SCOC: variants seen among roughly 807,000 people sequenced by gnomAD.
SCOC encodes short coiled coil protein.
A neutral mutation model predicts 9.9 loss-of-function variants in SCOC; 7 were observed. The observed-to-expected ratio is 0.71, with a 90% CI of 0.40 to 1.33. The LOEUF (loss-of-function observed/expected upper bound fraction) is 1.33, where lower values mean the gene tolerates loss of function less well. SCOC is among the 40% of genes most tolerant of loss of function. SCOC has a pLI of 0.01. For missense variants in SCOC, 66 were observed against 89.7 expected (o/e 0.74, Z 1.07); for synonymous variants, 19 against 28.2 (o/e 0.67, Z 1.03).
intron 2 of SCOC, among the ~76,000 whole-genome samples, chr4:140,352,632 A>G (rs1727030027): frequency 6.6e-6 from 1 of 152,180 alleles, no homozygotes; most frequent in African/African-American, 2.4e-5. Flanking sequence ...TAAAGCAAAA[A>G]CTAGTTTCAG....
At chr4:140,373,858 G>A in intron 1 of SCOC, 141 bp downstream of exon 1, 1 of 943,996 alleles carries the variant, frequency 1.1e-6, no homozygotes, top group East Asian at 2.6e-5. Flanking sequence ...TCTCGGGCCT[G>A]GGCATTTGGT....
At chr4:140,377,237 ACT>A (rs2126596249) in intron 1 of SCOC, among the ~76,000 whole-genome samples, 1 of 152,286 alleles carries the variant, frequency 6.6e-6, no homozygotes, top group African/African-American at 2.4e-5. Flanking sequence ...TTTCACTGAC[ACT>A]CTTCCTCTTC....
At chr4:140,324,745 A>G (rs1378995392) in intron 1 of SCOC, among the ~76,000 whole-genome samples, 1 of 152,142 alleles carries the variant, frequency 6.6e-6, no homozygotes, top group Non-Finnish European at 1.5e-5. Flanking sequence ...TATTATTAAG[A>G]GGCCAGTTCT....
In SCOC at chr4:140,366,657, G is replaced by T. The variant is rs1578868488; in HGVS notation, c.71-12464G>T. 1.9e-6 allele frequency: 3 copies of T among 1,601,376 alleles called. No individual in the cohort carries two copies. In the East Asian group the frequency reaches 6.7e-5, roughly 36 times the overall value. On this transcript the variant is annotated intron_variant, in intron 2 of 4. Transcript: ENST00000338517. ...AGGCTTGTCTGACATACTTCTGGTG[G>T]GCTCTGTGTGGAAACTTGAGGTTGA...
intron 1 of SCOC, among the ~76,000 whole-genome samples, chr4:140,300,157 G>A (rs1377074312): frequency 2.0e-5 from 3 of 152,186 alleles, no homozygotes; most frequent in Non-Finnish European, 4.4e-5. Context: ...CATCATCCCC[G>A]CTTTATTTGT....
At chr4:140,274,606 C>CA (rs1028043675) in intron 1 of SCOC, among the ~76,000 whole-genome samples, 6 of 152,140 alleles carry the variant, frequency 3.9e-5, no homozygotes, top group African/African-American at 1.4e-4. Context: ...TGTTCTGCCG[C>CA]AAAAAGGGAG....
chr4:140,315,781 G>T (rs1352067360), intron 1 of SCOC, among the ~76,000 whole-genome samples: 2 of 152,104 alleles, frequency 1.3e-5, no homozygotes, highest in Admixed American at 1.3e-4. Context: ...ACTTTTACCT[G>T]GTTCTTGCTT....
At chr4:140,307,944 G>A (rs1011984127) in intron 1 of SCOC, among the ~76,000 whole-genome samples, 7 of 152,168 alleles carry the variant, frequency 4.6e-5, no homozygotes, top group Admixed American at 3.9e-4. Flanking sequence ...CACTTAATGT[G>A]ATTGATCAAC....
intron 1 of SCOC, among the ~76,000 whole-genome samples, chr4:140,297,172 A>G (rs1393106800): frequency 6.6e-6 from 1 of 151,852 alleles, no homozygotes; most frequent in Non-Finnish European, 1.5e-5. Flanking sequence ...CCTGCCTTGC[A>G]GGTGTACTCT....
chr4:140,362,279 T>TCTTCCTCTTCCTCTTCCTCTTCCTCTTCC (rs1426744430), intron 2 of SCOC, among the ~76,000 whole-genome samples: 2 of 10,974 alleles, frequency 1.8e-4, no homozygotes, highest in Admixed American at 8.4e-4. Context: ...GTGTCCTTAC[T>TCTTCCTCTTCCTCTTCCTCTTCCTCTTCC]TCTTCTTCTT....
intron 1 of SCOC, among the ~76,000 whole-genome samples, chr4:140,323,681 TAAGA>T (rs1267945533): frequency 6.6e-6 from 1 of 152,168 alleles, no homozygotes; most frequent in Non-Finnish European, 1.5e-5. Context: ...ACAACTCACT[TAAGA>T]AAGATACCTA....
At chr4:140,302,697 T>A (rs1351506017) in intron 1 of SCOC, among the ~76,000 whole-genome samples, 1 of 152,152 alleles carries the variant, frequency 6.6e-6, no homozygotes, top group African/African-American at 2.4e-5. Flanking sequence ...AGGAAATAAA[T>A]CAGCTAAGCA....
chr4:140,279,653 C>T (rs762034879), intron 1 of SCOC, among the ~76,000 whole-genome samples: 3 of 152,212 alleles, frequency 2.0e-5, no homozygotes, highest in Non-Finnish European at 4.4e-5. Context: ...AGGCCTGCTG[C>T]CACCAGCCTC....
intron 1 of SCOC, among the ~76,000 whole-genome samples, chr4:140,374,928 C>T (rs926213643): frequency 2.6e-5 from 4 of 152,166 alleles, no homozygotes; most frequent in African/African-American, 9.7e-5. Flanking sequence ...ATATGCAAAG[C>T]ATTTAGCACA....
chr4:140,258,142 C>A (rs897342849), intron 1 of SCOC, among the ~76,000 whole-genome samples: 18 of 152,224 alleles, frequency 1.2e-4, no homozygotes, highest in African/African-American at 4.3e-4. Flanking sequence ...TTTCCACCCT[C>A]CGCCAAGCAC....
At chr4:140,327,309 G>C (rs879384079) in intron 1 of SCOC, among the ~76,000 whole-genome samples, 3 of 152,170 alleles carry the variant, frequency 2.0e-5, no homozygotes, top group Admixed American at 1.3e-4. Flanking sequence ...AGCAAATTCT[G>C]ATAGGAGGAA....
At chr4:140,378,961 AT>A (rs1728457717) in intron 1 of SCOC, among the ~76,000 whole-genome samples, 159 bp from the exon 2 acceptor site, 1 of 152,146 alleles carries the variant, frequency 6.6e-6, no homozygotes, top group South Asian at 2.1e-4. Flanking sequence ...CAAACTATTT[AT>A]ATCCTTTGCT....
At chr4:140,264,761 A>T (rs966886187) in intron 1 of SCOC, among the ~76,000 whole-genome samples, 6 of 152,234 alleles carry the variant, frequency 3.9e-5, no homozygotes, top group African/African-American at 1.2e-4. Flanking sequence ...ACTCAGTTTT[A>T]AAAAATTTCA....
chr4:140,287,671 C>T (rs1731334724), intron 1 of SCOC, among the ~76,000 whole-genome samples: 1 of 152,086 alleles, frequency 6.6e-6, no homozygotes. Flanking sequence ...CCACATGTCA[C>T]ACATATGTAC....
Sources: gnomAD v4.1 joint callset for allele counts (sites outside exome capture counted in the v4.1 genomes callset) on GRCh38, gnomAD v4.1.1 for gene constraint, MANE v1.5 for transcripts, NCBI Gene and HGNC (gene_info 2026-07-23, HGNC 2026-07-21) for gene names.